CECR2: variants seen among roughly 807,000 people sequenced by gnomAD.
CECR2 encodes the protein CECR2 histone acetyl-lysine reader, also known as chromatin remodeling regulator CECR2.
A neutral mutation model predicts 154.5 loss-of-function variants in CECR2; 30 were observed. That is an observed-to-expected ratio of 0.19 (90% CI 0.15 to 0.26). The LOEUF (loss-of-function observed/expected upper bound fraction) is 0.26. CECR2 is among the 10% of genes least tolerant of loss of function. CECR2 has a pLI of 1.00. For synonymous variants in CECR2, 725 were observed against 683.7 expected (o/e 1.06, Z -0.94); for missense variants, 1,743 against 1,829.3 (o/e 0.95, Z 0.86).
intron 9 of CECR2, among the ~76,000 whole-genome samples, chr22:17,535,978 A>G (rs1316236348): frequency 6.6e-6 from 1 of 152,098 alleles, no homozygotes; most frequent in African/African-American, 2.4e-5. Context: ...GCCAGGCACC[A>G]TGGCTCACTC....
At chr22:17,479,198 A>T (rs1028543120) in intron 2 of CECR2, among the ~76,000 whole-genome samples, 7 of 152,174 alleles carry the variant, frequency 4.6e-5, no homozygotes, top group African/African-American at 1.7e-4. Flanking sequence ...CCCATTTAAG[A>T]TCTTCATTTT....
intron 1 of CECR2, among the ~76,000 whole-genome samples, chr22:17,445,593 T>TATTATG (rs56335102): frequency 2.0e-5 from 3 of 146,790 alleles, no homozygotes; most frequent in Non-Finnish European, 4.5e-5. Flanking sequence ...TTATTATTAT[T>TATTATG]TGAGGCAGAG....
At chr22:17,541,804 T>C in intron 14 of CECR2, 35 bp from the exon 15 acceptor site, 1 of 1,578,646 alleles carries the variant, frequency 6.3e-7, no homozygotes, top group South Asian at 1.2e-5. Flanking sequence ...GTGCCTTTCC[T>C]TTTTCCTCTT....
At chr22:17,443,691 C>T (rs5746385) in intron 1 of CECR2, among the ~76,000 whole-genome samples, 40,339 of 152,016 alleles carry the variant, frequency 0.27, 7,198 homozygotes, top group East Asian at 0.53. Context: ...CCACTGTTGT[C>T]TTTAGAGCGA....
rs767796133 is a variant in CECR2 at position 17,540,657 on chromosome 22, C to G, written c.1741C>G (p.Arg581Gly). The change falls in exon 14 of 19, where the codon CGC (arginine) becomes GGC (glycine). Residue 581 changes from arginine (R) to glycine (G), a missense_variant. Arg to Gly is a moderately radical substitution (Grantham distance 125, BLOSUM62 -2). Around this residue, in one of 4 missense-constraint regions of CECR2, gnomAD observed 1,250 missense variants for 1,192.1 expected, o/e 1.05. Transcript: ENST00000262608. ...ENGGKSLPPT[R>G]RAPSSGDDQS... is the part of the protein sequence containing the mutation. ...TGGAGGAAAGTCGTTGCCCCCCACACGCCGAGCGCCCTCTTCTGGGGACGA... is the reference window on the plus strand; with the variant it reads ...TGGAGGAAAGTCGTTGCCCCCCACAGGCCGAGCGCCCTCTTCTGGGGACGA... The G allele has an allele frequency of 1.2e-6, 2 of 1,613,910 alleles. No individual in the cohort carries two copies. The highest frequency in any genetic ancestry group is 2.2e-5 in the East Asian group (1 of 44,874).
At chr22:17,460,999 G>C (rs988525925) in intron 1 of CECR2, among the ~76,000 whole-genome samples, 11 of 152,122 alleles carry the variant, frequency 7.2e-5, no homozygotes, top group African/African-American at 2.4e-4. Context: ...GACCTGTTTG[G>C]GGGTGCTGTG....
At chr22:17,477,135 T>C in intron 1 of CECR2, 1 of 726,344 alleles carries the variant, frequency 1.4e-6, no homozygotes, top group Admixed American at 1.9e-5. Context: ...TTAAAGCTGT[T>C]GCAGATGGTT....
At chr22:17,427,205 T>TG (rs756616522) in intron 1 of CECR2, among the ~76,000 whole-genome samples, 2 of 152,212 alleles carry the variant, frequency 1.3e-5, no homozygotes, top group African/African-American at 2.4e-5. Context: ...CTTTTTTTAA[T>TG]GGCTGCATAT....
At chr22:17,391,951 G>A (rs924350572) in intron 1 of CECR2, among the ~76,000 whole-genome samples, 2 of 151,990 alleles carry the variant, frequency 1.3e-5, no homozygotes, top group African/African-American at 4.8e-5. Context: ...ACAGGCATGC[G>A]CCACCACACC....
At chr22:17,502,019 A>G (rs1467649562) in intron 5 of CECR2, among the ~76,000 whole-genome samples, 1 of 152,254 alleles carries the variant, frequency 6.6e-6, no homozygotes, top group African/African-American at 2.4e-5. Context: ...TAATGCCAAT[A>G]TAGAACATTT....
At chr22:17,433,756 C>T (rs1601350091) in intron 1 of CECR2, among the ~76,000 whole-genome samples, 5 of 152,266 alleles carry the variant, frequency 3.3e-5, no homozygotes, top group African/African-American at 1.2e-4. Context: ...CTCCTATCTT[C>T]ACAGTGTTAC....
chr22:17,449,235 C>T (rs1395392926), intron 1 of CECR2, among the ~76,000 whole-genome samples: 1 of 152,040 alleles, frequency 6.6e-6, no homozygotes, highest in Non-Finnish European at 1.5e-5. Context: ...GTGGTAAAAC[C>T]TCTGAAACTG....
chr22:17,549,689 G>A (rs1451026428), intron 17 of CECR2, 125 bp downstream of exon 17: 6 of 834,346 alleles, frequency 7.2e-6, no homozygotes, highest in South Asian at 5.8e-5. Context: ...CATGGCTCAC[G>A]GCGGCATCGA....
chr22:17,420,953 A>G (rs1485181477), intron 1 of CECR2, among the ~76,000 whole-genome samples: 1 of 152,226 alleles, frequency 6.6e-6, no homozygotes, highest in Non-Finnish European at 1.5e-5. Flanking sequence ...CGTAATAACT[A>G]TAGTCCTAAT....
At chr22:17,552,774 G>GTTTTTGTTTTTTTTTTT in intron 18 of CECR2, 61 bp from the exon 19 acceptor site, 1 of 933,468 alleles carries the variant, frequency 1.1e-6, no homozygotes, top group South Asian at 1.6e-5. Context: ...GCTTACTTAA[G>GTTTTTGTTTTTTTTTTT]TTTTTTTTTT....
chr22:17,376,834 C>A (rs1425259005), intron 1 of CECR2, among the ~76,000 whole-genome samples: 2 of 151,964 alleles, frequency 1.3e-5, no homozygotes, highest in Non-Finnish European at 2.9e-5. Flanking sequence ...GATGGGGTTT[C>A]GCTGTGTTGG....
At position 17,542,551 on chromosome 22, in the gene CECR2, G is replaced by A. The variant is rs777090706; in HGVS notation, c.2408G>A (p.Arg803His). The change falls in exon 16 of 19, where the codon CGC (arginine) becomes CAC (histidine). Residue 803 changes from arginine to histidine, a missense_variant. By Grantham distance (29) the Arg-to-His change is conservative. Around this residue, in one of 4 missense-constraint regions of CECR2, gnomAD observed 1,250 missense variants for 1,192.1 expected, o/e 1.05. Transcript: ENST00000262608. ...GGGCCAGGACCCTCTCACCAGCCTC[G>A]CACTCTCGGTCACGTGATGGATTCC... ...HLGPGPSHQPRTLGHVMDSRV... is the reference protein window; with the variant it reads ...HLGPGPSHQPHTLGHVMDSRV... 3.5e-5 allele frequency: 57 copies of A among 1,613,868 alleles called. No individual in the cohort carries two copies. The highest frequency in any genetic ancestry group is 3.3e-4 in the Middle Eastern group (2 of 6,062).
intron 5 of CECR2, among the ~76,000 whole-genome samples, chr22:17,501,281 C>T (rs975706260): frequency 6.6e-6 from 1 of 152,156 alleles, no homozygotes; most frequent in Non-Finnish European, 1.5e-5. Context: ...GGCTGAATTT[C>T]ACCCTGTCAC....
intron 2 of CECR2, among the ~76,000 whole-genome samples, chr22:17,488,924 T>C (rs1406514133): frequency 6.6e-6 from 1 of 152,208 alleles, no homozygotes; most frequent in Non-Finnish European, 1.5e-5. Context: ...ACAGTCCAGT[T>C]GCTTCATATC....
Sources: allele counts gnomAD v4.1 joint callset (sites outside exome capture counted in the v4.1 genomes callset), GRCh38; gene constraint gnomAD v4.1.1; regional missense constraint gnomAD v4.1.1; transcripts MANE v1.5; gene names NCBI Gene and HGNC (gene_info 2026-07-23, HGNC 2026-07-21).